The following DSCAM variants were observed in gnomAD, a reference collection of about 807,000 sequenced individuals.
DSCAM encodes DS cell adhesion molecule, also known as cell adhesion molecule DSCAM.
A neutral mutation model predicts 217.7 loss-of-function variants in DSCAM; 47 were observed. The ratio of observed to expected loss-of-function variants is 0.22; its 90% CI spans 0.17 to 0.28. The LOEUF (loss-of-function observed/expected upper bound fraction) is 0.28, where lower values mean the gene tolerates loss of function less well. Among genes scored for constraint, DSCAM ranks in the 10% least tolerant of loss-of-function variants. DSCAM has a pLI of 1.00. For synonymous variants in DSCAM, 1,056 were observed against 1,015.3 expected, an observed-to-expected ratio of 1.04 and a Z score of -0.76; for missense variants, 2,080 against 2,618.3, an observed-to-expected ratio of 0.79 and a Z score of 4.49.
intron 30 of DSCAM, among the ~76,000 whole-genome samples, chr21:40,046,507 C>T (rs985135621): frequency 7.2e-5 from 11 of 151,952 alleles, no homozygotes; most frequent in African/African-American, 2.4e-4. Context: ...GTTTCTTCAC[C>T]GAAATGCTAG....
At chr21:40,069,696 A>T (rs1012518974) in intron 27 of DSCAM, among the ~76,000 whole-genome samples, 8 of 152,182 alleles carry the variant, frequency 5.3e-5, no homozygotes, top group African/African-American at 1.9e-4. Context: ...ACCATCCATC[A>T]AAAGGTTTTA....
chr21:40,722,034 A>T (rs956480976), intron 1 of DSCAM, among the ~76,000 whole-genome samples: 18 of 150,436 alleles, frequency 1.2e-4, no homozygotes, highest in East Asian at 1.9e-4. Flanking sequence ...GCATTTTTTT[A>T]AAAAAAAGAC....
chr21:40,470,288 T>A (rs1397734310), intron 3 of DSCAM, among the ~76,000 whole-genome samples: 2 of 152,238 alleles, frequency 1.3e-5, no homozygotes, highest in Non-Finnish European at 2.9e-5. Flanking sequence ...GTTACGTGTC[T>A]GCCTTGCAGG....
At chr21:40,118,414 C>T (rs1462460510) in intron 20 of DSCAM, among the ~76,000 whole-genome samples, 1 of 152,140 alleles carries the variant, frequency 6.6e-6, no homozygotes, top group Admixed American at 6.5e-5. Context: ...GGTGAAAACC[C>T]CATCTCCACT....
chr21:40,360,499 G>T (rs1369471882), intron 4 of DSCAM, among the ~76,000 whole-genome samples: 1 of 151,912 alleles, frequency 6.6e-6, no homozygotes, highest in Non-Finnish European at 1.5e-5. Context: ...AGTGTCTATT[G>T]TTCCTGTATT....
intron 9 of DSCAM, among the ~76,000 whole-genome samples, chr21:40,297,661 G>A (rs942361355): frequency 6.6e-6 from 1 of 152,158 alleles, no homozygotes; most frequent in Admixed American, 6.5e-5. Context: ...CGATCGCTTT[G>A]GCCATAAAAT....
intron 11 of DSCAM, among the ~76,000 whole-genome samples, chr21:40,244,281 T>C (rs2073192764): frequency 6.6e-6 from 1 of 152,018 alleles, no homozygotes; most frequent in African/African-American, 2.4e-5. Flanking sequence ...AGAAACCCCA[T>C]CTCTACTAAA....
intron 11 of DSCAM, among the ~76,000 whole-genome samples, chr21:40,212,627 G>T (rs1161262169): frequency 6.6e-6 from 1 of 151,954 alleles, no homozygotes; most frequent in Non-Finnish European, 1.5e-5. Context: ...TATATGGTTG[G>T]CAATAAAGCA....
chr21:40,036,884 T>C (rs1319253408), intron 32 of DSCAM, among the ~76,000 whole-genome samples: 4 of 150,264 alleles, frequency 2.7e-5, no homozygotes, highest in Non-Finnish European at 4.4e-5. Flanking sequence ...ATAAATGTAA[T>C]CCAGCATATA....
chr21:40,763,732 G>T (rs998165727), intron 1 of DSCAM, among the ~76,000 whole-genome samples: 1 of 152,096 alleles, frequency 6.6e-6, no homozygotes, highest in South Asian at 2.1e-4. Flanking sequence ...GCATGGTTCT[G>T]GTATCAAAAC....
intron 11 of DSCAM, among the ~76,000 whole-genome samples, chr21:40,203,707 A>C (rs2091095030): frequency 6.6e-6 from 1 of 152,238 alleles, no homozygotes; most frequent in Non-Finnish European, 1.5e-5. Context: ...GTAGATTATA[A>C]AGTGCTTATA....
intron 3 of DSCAM, among the ~76,000 whole-genome samples, chr21:40,581,260 A>G (rs558590548): frequency 6.6e-6 from 1 of 152,354 alleles, no homozygotes; most frequent in Non-Finnish European, 1.5e-5. Context: ...CCCCACCCTC[A>G]GGACTGAGAC....
intron 1 of DSCAM, among the ~76,000 whole-genome samples, chr21:40,714,198 C>T (rs13050315): frequency 0.023 from 3,553 of 152,204 alleles, 59 homozygotes; most frequent in Middle Eastern, 0.034. Flanking sequence ...GGTGCTGAGA[C>T]GAATTAATGG....
chr21:40,608,406 G>A (rs1017091606), intron 3 of DSCAM, among the ~76,000 whole-genome samples: 9 of 152,136 alleles, frequency 5.9e-5, no homozygotes, highest in Non-Finnish European at 8.8e-5. Flanking sequence ...AAAAGAAACC[G>A]TGCCATTGTA....
At chr21:40,801,511 T>C (rs1298621394) in intron 1 of DSCAM, among the ~76,000 whole-genome samples, 1 of 152,082 alleles carries the variant, frequency 6.6e-6, no homozygotes, top group East Asian at 1.9e-4. Context: ...ATTTTAAAGA[T>C]CTTGAGGCTG....
At chr21:40,389,658 T>A (rs1395085677) in intron 3 of DSCAM, among the ~76,000 whole-genome samples, 1 of 152,184 alleles carries the variant, frequency 6.6e-6, no homozygotes, top group African/African-American at 2.4e-5. Flanking sequence ...AAAAGAGTGA[T>A]AAACCACACC....
intron 21 of DSCAM, among the ~76,000 whole-genome samples, chr21:40,092,925 G>T (rs750136315): frequency 2.0e-4 from 31 of 152,104 alleles, no homozygotes; most frequent in Non-Finnish European, 2.2e-4. Flanking sequence ...TCATTAAAAA[G>T]CACATTTTTC....
chr21:40,353,376 A>C (rs2837574), intron 5 of DSCAM, 89 bp downstream of exon 5: 877,446 of 1,532,718 alleles, frequency 0.57, 255,971 homozygotes, highest in South Asian at 0.64. Flanking sequence ...GTTAATGGAA[A>C]GCTACAGAGA....
chr21:40,167,468 T>C (rs1437847120), intron 15 of DSCAM, among the ~76,000 whole-genome samples, 180 bp from the exon 16 acceptor site: 2 of 152,182 alleles, frequency 1.3e-5, no homozygotes, highest in Non-Finnish European at 2.9e-5. Flanking sequence ...CTCTAGGCCT[T>C]TGTTTATTTG....
Sources: allele counts gnomAD v4.1 joint callset (sites outside exome capture counted in the v4.1 genomes callset), GRCh38; gene constraint gnomAD v4.1.1; transcripts MANE v1.5; gene names NCBI Gene and HGNC (gene_info 2026-07-23, HGNC 2026-07-21).